Variants in C1RL observed in about 807,000 individuals in gnomAD.
The protein encoded by C1RL is complement C1r subcomponent like, also known as complement C1r subcomponent-like protein.
Under a neutral mutation model 27.9 loss-of-function variants are expected in C1RL, and 27 were observed. That is an observed-to-expected ratio of 0.97 (90% CI 0.71 to 1.33). C1RL has a LOEUF of 1.33. Ranked by LOEUF, C1RL falls within the 40% of genes most tolerant of loss-of-function variation. The pLI is 0.00. For synonymous variants in C1RL, 248 were observed against 252.1 expected (o/e 0.98, Z 0.15); for missense variants, 563 against 623.9 (o/e 0.90, Z 1.04).
Position 7,095,869 on chromosome 12 carries a change from G to A in C1RL, c.*522C>T. 1.1e-6 allele frequency: 1 copy of A among 930,956 alleles called. No homozygotes were observed. Among genetic ancestry groups the A allele is most frequent in the Non-Finnish European group, 1.3e-6 (1 of 780,242 alleles). 57.7% of individuals were successfully genotyped at this position (930,956 alleles called of 1,614,324 possible). Reference sequence around the variant, plus strand: ...CAGGTGAAGCACCTGGCATATAGAGGACATAAAATAAAAAAGGAGCTGTTT... The same window carrying A: ...CAGGTGAAGCACCTGGCATATAGAGAACATAAAATAAAAAAGGAGCTGTTT... On this transcript the variant is annotated 3_prime_UTR_variant, in exon 6 of 6. Transcript: ENST00000266542.
chr12:7,108,836 A>T (rs1938845756), intron 1 of C1RL: 1 of 546,796 alleles, frequency 1.8e-6, no homozygotes, highest in Non-Finnish European at 3.3e-6. Flanking sequence ...GGGGCGAGTG[A>T]GGGTCTGCCG....
intron 1 of C1RL, 58 bp from the exon 2 acceptor site, chr12:7,108,537 G>C: frequency 4.2e-6 from 6 of 1,414,100 alleles, no homozygotes; most frequent in Non-Finnish European, 5.8e-6. Flanking sequence ...AAGCCTGTGG[G>C]TGTGGGAGGA....
chr12:7,106,588 T>C (rs1938772652), intron 2 of C1RL, among the ~76,000 whole-genome samples: 1 of 152,100 alleles, frequency 6.6e-6, no homozygotes, highest in Non-Finnish European at 1.5e-5. Flanking sequence ...TGTCACCAAT[T>C]AAAAGGAGGA....
Position 7,095,879 on chromosome 12 carries a change from A to T in C1RL, c.*512T>A, listed in dbSNP as rs1049860497. 1.0e-6 allele frequency: 1 copy of T among 970,790 alleles called. No individual in the cohort carries two copies. Among genetic ancestry groups the T allele is most frequent in the African/African-American group, 1.8e-5 (1 of 56,904 alleles). 60.1% of individuals were successfully genotyped at this position (970,790 alleles called of 1,614,324 possible). The stretch of plus-strand genomic sequence containing the variant: ...ACCTGGCATATAGAGGACATAAAAT[A>T]AAAAAGGAGCTGTTTCTATAATTGC... On this transcript the variant is annotated 3_prime_UTR_variant, in exon 6 of 6. Transcript: ENST00000266542.
chr12:7,108,166 G>A (rs933108229), intron 2 of C1RL, 85 bp downstream of exon 2: 48 of 1,113,480 alleles, frequency 4.3e-5, no homozygotes, highest in Non-Finnish European at 6.0e-5. Context: ...CTCCAGATGG[G>A]GGATTCAGGG....
chr12:7,095,105 T>C lies in C1RL; in HGVS notation c.*1286A>G. The C allele has an allele frequency of 8.1e-7, 1 of 1,232,520 alleles. No individual in the cohort carries two copies. The highest frequency in any genetic ancestry group is 1.4e-5 in the South Asian group (1 of 72,898). The allele number at this position is 1,232,520 out of a possible 1,614,324, so 76.3% of individuals were successfully genotyped here. On this transcript the variant is annotated 3_prime_UTR_variant, in exon 6 of 6. Transcript: ENST00000266542. ...TGTATTTTATTTGTGTCTTTCACTG[T>C]AAATCACCTCCAATCTTTTTTTTTT...
At chr12:7,105,638 C>G (rs1379020749) in intron 2 of C1RL, among the ~76,000 whole-genome samples, 1 of 151,952 alleles carries the variant, frequency 6.6e-6, no homozygotes, top group Non-Finnish European at 1.5e-5. Context: ...AAAGCAGAGA[C>G]CAAAACAGAC....
intron 1 of C1RL, chr12:7,108,694 T>C (rs1938840697): frequency 1.7e-6 from 1 of 574,232 alleles, no homozygotes; most frequent in South Asian, 2.2e-5. Context: ...GCCTGAGCTC[T>C]AGGATTGTGG....
At chr12:7,101,583 C>G (rs976203384) in intron 3 of C1RL, 1 of 468,800 alleles carries the variant, frequency 2.1e-6, no homozygotes, top group Non-Finnish European at 3.9e-6. Flanking sequence ...ATTTATCTTT[C>G]AAAAACAAAT....
chr12:7,102,467 C>T (rs1339326276), intron 2 of C1RL, among the ~76,000 whole-genome samples: 2 of 152,220 alleles, frequency 1.3e-5, no homozygotes, highest in African/African-American at 4.8e-5. Flanking sequence ...TGGTGCTCAG[C>T]GTGGTACCTA....
Position 7,104,498 on chromosome 12 carries a change from T to C in C1RL, c.301-2411A>G, listed in dbSNP as rs768199169. Among the ~76,000 whole-genome samples, 51 of 152,356 alleles carry C rather than the reference T, an allele frequency of 3.3e-4. No individual in the cohort carries two copies. The highest frequency in any genetic ancestry group is 1.2e-3 in the African/African-American group (51 of 41,596). On this transcript the variant is annotated intron_variant, in intron 2 of 5. Coordinates refer to ENST00000266542, the MANE Select transcript of C1RL (RefSeq NM_016546.4). The surrounding 1 kb of genome is among the most constrained non-coding windows in gnomAD (Gnocchi z 5.4). Reference sequence around the variant, plus strand: ...CTGCACATTCTTCCCATGTCTTCAGTGGTTTTCTCCAGGTCCTCTGGTTTC... The same window carrying C: ...CTGCACATTCTTCCCATGTCTTCAGCGGTTTTCTCCAGGTCCTCTGGTTTC...
chr12:7,096,301 A>AAC lies in C1RL; in HGVS notation c.*89_*90insGT. ...TGCCTCCCCCAACCCCCCACCCCCA[A>AAC]CCCCTACCCCAGTGTTCAGTCCTCA... is the stretch of plus-strand genomic sequence containing the variant. On this transcript the variant is annotated 3_prime_UTR_variant, in exon 6 of 6. Coordinates refer to ENST00000266542, the MANE Select transcript of C1RL (RefSeq NM_016546.4). 1 of 285,992 alleles carries AAC rather than the reference A, an allele frequency of 3.5e-6. No individual in the cohort carries two copies. Among genetic ancestry groups the AAC allele is most frequent in the Non-Finnish European group, 5.0e-6 (1 of 201,796 alleles). 17.7% of individuals were successfully genotyped at this position (285,992 alleles called of 1,614,324 possible).
In C1RL at chr12:7,095,566, G is replaced by C. The variant is rs1279082290; in HGVS notation, c.*825C>G. ...TGCAGGAGATGGGGCCATTAGGAAA[G>C]TGTGAGCTAGAGGATACCATTTTCG... On this transcript the variant is annotated 3_prime_UTR_variant, in exon 6 of 6. Coordinates refer to ENST00000266542, the MANE Select transcript of C1RL (RefSeq NM_016546.4). The C allele has an allele frequency of 1.0e-6, 1 of 986,078 alleles. No homozygotes were observed. The highest frequency in any genetic ancestry group is 1.2e-6 in the Non-Finnish European group (1 of 830,440). 61.1% of individuals were successfully genotyped at this position (986,078 alleles called of 1,614,324 possible). A position where few individuals can be genotyped will look rare whatever the true frequency, so the allele number is the denominator to read the frequency against.
rs752233005 is a variant in C1RL at position 7,095,393 on chromosome 12, C to T, written c.*998G>A. 57 of 1,009,508 alleles carry T rather than the reference C, an allele frequency of 5.6e-5. No homozygotes were observed. The highest frequency in any genetic ancestry group is 1.2e-4 in the Admixed American group (2 of 17,130). The allele number at this position is 1,009,508 out of a possible 1,614,324, so 62.5% of individuals were successfully genotyped here. A position where few individuals can be genotyped will look rare whatever the true frequency, so the allele number is the denominator to read the frequency against. Reference sequence around the variant, plus strand: ...ACTCCTAAGGTGTTGGGATTACAGGCGTGAGCCACTGCGCCCGGCCCATCA... The same window carrying T: ...ACTCCTAAGGTGTTGGGATTACAGGTGTGAGCCACTGCGCCCGGCCCATCA... On this transcript the variant is annotated 3_prime_UTR_variant, in exon 6 of 6. Coordinates refer to ENST00000266542, the MANE Select transcript of C1RL (RefSeq NM_016546.4).
chr12:7,100,604 G>A (rs1195369848), intron 3 of C1RL, among the ~76,000 whole-genome samples: 4 of 152,240 alleles, frequency 2.6e-5, no homozygotes, highest in South Asian at 2.1e-4. Flanking sequence ...GACCAGCCTG[G>A]CCAACAAGGT....
Position 7,095,039 on chromosome 12 carries a change from C to A in C1RL, c.*1352G>T. 1 of 1,141,144 alleles carries A rather than the reference C, an allele frequency of 8.8e-7. No individual in the cohort carries two copies. Among genetic ancestry groups the A allele is most frequent in the South Asian group, 1.7e-5 (1 of 59,048 alleles). The allele number at this position is 1,141,144 out of a possible 1,614,324, so 70.7% of individuals were successfully genotyped here. A position where few individuals can be genotyped will look rare whatever the true frequency, so the allele number is the denominator to read the frequency against. ...TTGATGCTAACAAATTACCTCTCTT[C>A]TCTCTTTTATGGTGTTTATTTTCTA... On this transcript the variant is annotated 3_prime_UTR_variant, in exon 6 of 6. Transcript: ENST00000266542.
chr12:7,099,686 C>G lies in C1RL; in HGVS notation c.691G>C (p.Val231Leu), dbSNP rs1399957694. ...ATGGTGCTAGCAGGTGGCTACTCACCAGGCATACACTGAAGAACCTCCTCC... is the reference window on the plus strand; with the variant it reads ...ATGGTGCTAGCAGGTGGCTACTCACGAGGCATACACTGAAGAACCTCCTCC... Reference protein sequence around the residue: ...DGEEVLQCMPVCGRPVTPIAQ... With the variant: ...DGEEVLQCMPLCGRPVTPIAQ... The change falls in exon 5 of 6, where the codon GTC becomes CTC. Residue 231 changes from valine to leucine, a missense_variant and splice_region_variant. Coordinates refer to ENST00000266542, the MANE Select transcript of C1RL (RefSeq NM_016546.4). 2 of 1,552,678 alleles carry G rather than the reference C, an allele frequency of 1.3e-6. No individual in the cohort carries two copies. Among genetic ancestry groups the G allele is most frequent in the African/African-American group, 2.7e-5 (2 of 73,202 alleles).
In C1RL at chr12:7,094,747, T is replaced by G. The variant is rs1175034331; in HGVS notation, c.*1644A>C. On this transcript the variant is annotated 3_prime_UTR_variant, in exon 6 of 6. Transcript: ENST00000266542. ...CCTCTGTTTAGTATTTTGAGAGAAT[T>G]ATTATTATATTTTTGGCGATGGGGT... The G allele has an allele frequency of 1.0e-6, 1 of 975,744 alleles. No homozygotes were observed. Among genetic ancestry groups the G allele is most frequent in the African/African-American group, 1.8e-5 (1 of 57,012 alleles). The allele number at this position is 975,744 out of a possible 1,614,324, so 60.4% of individuals were successfully genotyped here. A position where few individuals can be genotyped will look rare whatever the true frequency, so the allele number is the denominator to read the frequency against.
chr12:7,109,011 T>TGTGTGTGTGTGTGTG, intron 1 of C1RL, 99 bp downstream of exon 1: 1 of 325,992 alleles, frequency 3.1e-6, no homozygotes, highest in Non-Finnish European at 5.5e-6. Flanking sequence ...GATGTGTGTG[T>TGTGTGTGTGTGTGTG]GGGGGGGGTA....
Sources: gnomAD v4.1 joint callset for allele counts (sites outside exome capture counted in the v4.1 genomes callset) on GRCh38, gnomAD v4.1.1 for gene constraint, Gnocchi (gnomAD v3.1) non-coding constraint, MANE v1.5 for transcripts, NCBI Gene and HGNC (gene_info 2026-07-23, HGNC 2026-07-21) for gene names.